Variants in CLPB observed in about 807,000 individuals in gnomAD.
The protein encoded by CLPB is mitochondrial disaggregase.
A neutral mutation model predicts 78.4 loss-of-function variants in CLPB; 40 were observed. The observed-to-expected ratio is 0.51, with a 90% CI of 0.40 to 0.66. The LOEUF is 0.66. CLPB is among the 30% of genes least tolerant of loss of function. The probability of loss-of-function intolerance (pLI) is 0.00; values close to 1 mark genes in which losing one functional copy is unlikely to be tolerated. For synonymous variants in CLPB, 333 were observed against 348.0 expected, an observed-to-expected ratio of 0.96 and a Z score of 0.48; for missense variants, 780 against 886.9, an observed-to-expected ratio of 0.88 and a Z score of 1.53.
intron 4 of CLPB, among the ~76,000 whole-genome samples, chr11:72,367,173 T>C (rs1381738120): frequency 1.3e-5 from 2 of 152,168 alleles, no homozygotes; most frequent in Non-Finnish European, 2.9e-5. Context: ...ACTATTATTA[T>C]TATTTTTTGA....
rs142177326 is a variant in CLPB, at chr11:72,342,492, C to A, written c.776-12688G>T. Among the ~76,000 whole-genome samples the A allele has an allele frequency of 7.0e-3, 1,069 of 152,216 alleles. 16 individuals are homozygous for A. The highest frequency in any genetic ancestry group is 8.4e-3 in the Non-Finnish European group (568 of 68,004). On this transcript the variant is annotated intron_variant, in intron 5 of 15. Transcript: ENST00000538039. ...ACAAGTCCCAAAATGAAAATGTTCACGACTTTCCTGGAAGTCGTGGGCTTT... is the reference window on the plus strand; with the variant it reads ...ACAAGTCCCAAAATGAAAATGTTCAAGACTTTCCTGGAAGTCGTGGGCTTT...
At chr11:72,371,661 C>A (rs568249357) in intron 4 of CLPB, among the ~76,000 whole-genome samples, 88 of 152,260 alleles carry the variant, frequency 5.8e-4, no homozygotes, top group Admixed American at 3.1e-3. Context: ...AAGCAGTCCT[C>A]CTGGTTTAGC....
chr11:72,370,735 A>T (rs1590858617), intron 4 of CLPB, among the ~76,000 whole-genome samples: 1 of 152,274 alleles, frequency 6.6e-6, no homozygotes, highest in East Asian at 1.9e-4. Flanking sequence ...TACCTGCATC[A>T]TAAGGTTACT....
intron 9 of CLPB, among the ~76,000 whole-genome samples, chr11:72,306,875 TC>T: frequency 6.6e-6 from 1 of 152,182 alleles, no homozygotes; most frequent in Non-Finnish European, 1.5e-5. Context: ...ATTAGCAGCA[TC>T]TAGTACAACA....
chr11:72,366,018 T>G (rs1467495472), intron 4 of CLPB, among the ~76,000 whole-genome samples: 1 of 152,096 alleles, frequency 6.6e-6, no homozygotes, highest in Non-Finnish European at 1.5e-5. Context: ...TATTACTAGG[T>G]CCTCAAAAGC....
intron 6 of CLPB, among the ~76,000 whole-genome samples, chr11:72,319,552 G>A (rs1565435481): frequency 6.6e-6 from 1 of 152,190 alleles, no homozygotes; most frequent in Non-Finnish European, 1.5e-5. Context: ...ACAGACCTGA[G>A]TTCACCCCTC....
At chr11:72,365,176 T>C (rs1950919908) in intron 4 of CLPB, among the ~76,000 whole-genome samples, 1 of 152,016 alleles carries the variant, frequency 6.6e-6, no homozygotes. Flanking sequence ...CAGAATTAAC[T>C]AGGGGCTGTG....
At chr11:72,358,549 G>A (rs1950765879) in intron 5 of CLPB, among the ~76,000 whole-genome samples, 1 of 152,026 alleles carries the variant, frequency 6.6e-6, no homozygotes, top group Non-Finnish European at 1.5e-5. Context: ...ACACTTTTAG[G>A]GATAGCAAGA....
chr11:72,400,960 G>A (rs187806310), intron 3 of CLPB, among the ~76,000 whole-genome samples: 4 of 152,148 alleles, frequency 2.6e-5, no homozygotes, highest in Admixed American at 6.5e-5. Context: ...CCAAGGTCTC[G>A]GATTCTGCAA....
At chr11:72,303,597 G>A (rs780400837) in intron 9 of CLPB, among the ~76,000 whole-genome samples, 13 of 152,308 alleles carry the variant, frequency 8.5e-5, no homozygotes, top group Non-Finnish European at 1.8e-4. Context: ...GGGGTCTGAG[G>A]ATCTAATCCA....
In CLPB at chr11:72,312,877, A is replaced by C. The variant is rs1949872673; in HGVS notation, c.988+4229T>G. 6.6e-6 allele frequency among the ~76,000 whole-genome samples: 1 copy of C among 152,178 alleles called. No homozygotes were observed. Among genetic ancestry groups the C allele is most frequent in the East Asian group, 1.9e-4 (1 of 5,194 alleles). ...CAAACGGGATGGGTGCACAGAGGGA[A>C]GTATGGGAAGAGCCATTTGTGCTGG... On this transcript the variant is annotated intron_variant, in intron 7 of 15. Coordinates refer to ENST00000538039, the MANE Select transcript of CLPB (RefSeq NM_001258392.3). This position sits in a 1 kb window ranked among gnomAD's most constrained non-coding sequence, Gnocchi z 4.2.
chr11:72,364,907 CTA>C (rs1950914347), intron 4 of CLPB, among the ~76,000 whole-genome samples: 1 of 152,042 alleles, frequency 6.6e-6, no homozygotes, highest in Non-Finnish European at 1.5e-5. Flanking sequence ...AATGGCAAAC[CTA>C]ATTTAAAAAA....
intron 2 of CLPB, among the ~76,000 whole-genome samples, chr11:72,422,420 G>A (rs1856237592): frequency 1.3e-5 from 2 of 152,030 alleles, no homozygotes; most frequent in South Asian, 2.1e-4. Context: ...AAAGTAAAAC[G>A]AGGTCTTTTA....
intron 4 of CLPB, among the ~76,000 whole-genome samples, chr11:72,362,111 T>C (rs1950850875): frequency 6.6e-6 from 1 of 152,246 alleles, no homozygotes; most frequent in Admixed American, 6.5e-5. Flanking sequence ...TCTGAGCTTT[T>C]GTAAATACTA....
At chr11:72,337,398 G>A (rs1010141082) in intron 5 of CLPB, among the ~76,000 whole-genome samples, 1 of 152,230 alleles carries the variant, frequency 6.6e-6, no homozygotes. Flanking sequence ...AAGACAGCAG[G>A]AGACATTATT....
At chr11:72,418,029 C>T (rs868302657) in intron 2 of CLPB, among the ~76,000 whole-genome samples, 4 of 152,332 alleles carry the variant, frequency 2.6e-5, no homozygotes, top group Middle Eastern at 6.8e-3. Flanking sequence ...AGATGGAAGC[C>T]TCAGCCCAGC....
At chr11:72,352,886 GA>G (rs1024692640) in intron 5 of CLPB, 3 of 152,266 alleles carry the variant, frequency 2.0e-5, no homozygotes, top group Non-Finnish European at 4.4e-5. Flanking sequence ...TACTGAGGAG[GA>G]GAGAGGATAT....
intron 3 of CLPB, among the ~76,000 whole-genome samples, chr11:72,402,703 C>T (rs1389126578): frequency 6.6e-6 from 1 of 152,254 alleles, no homozygotes; most frequent in Non-Finnish European, 1.5e-5. Context: ...GGCTTCCAAA[C>T]ATTTGGTTGC....
At position 72,404,901 on chromosome 11, in the gene CLPB, T is replaced by C. The variant is rs557042339; in HGVS notation, c.456-1849A>G. Among the ~76,000 whole-genome samples the C allele has an allele frequency of 7.9e-5, 12 of 152,330 alleles. No homozygotes were observed. In the East Asian group the frequency reaches 1.7e-3, roughly 22 times the overall value. On this transcript the variant is annotated intron_variant, in intron 2 of 15. Transcript: ENST00000538039. The stretch of plus-strand genomic sequence containing the variant: ...TATACATAATGTTACACTTCTTTTA[T>C]GCAGAAACAATTTTCTATGGCCAAG...
Sources: gnomAD v4.1 joint callset for allele counts (sites outside exome capture counted in the v4.1 genomes callset) on GRCh38, gnomAD v4.1.1 for gene constraint, Gnocchi (gnomAD v3.1) non-coding constraint, MANE v1.5 for transcripts, NCBI Gene and HGNC (gene_info 2026-07-23, HGNC 2026-07-21) for gene names.